The following ADK variants were observed in gnomAD, a reference collection of about 807,000 sequenced individuals.
ADK encodes the protein N6,N6-dimethyladenosine kinase.
A neutral mutation model predicts 44.7 loss-of-function variants in ADK; 24 were observed. That is an observed-to-expected ratio of 0.54 (90% CI 0.39 to 0.76). ADK has a LOEUF of 0.76. ADK is among the 30% of genes least tolerant of loss of function. The pLI, the probability that ADK is intolerant of heterozygous loss-of-function variation, is 0.00. For synonymous variants in ADK, 128 were observed against 142.6 expected (o/e 0.90, Z 0.73); for missense variants, 321 against 425.1 (o/e 0.76, Z 2.15).
intron 7 of ADK, among the ~76,000 whole-genome samples, chr10:74,543,412 C>A (rs1849719745): frequency 6.6e-6 from 1 of 152,162 alleles, no homozygotes; most frequent in Admixed American, 6.5e-5. Flanking sequence ...CCCAGTCACT[C>A]TCTTATGTAT....
intron 6 of ADK, among the ~76,000 whole-genome samples, chr10:74,520,759 G>A (rs923462211): frequency 2.0e-5 from 3 of 152,030 alleles, no homozygotes; most frequent in Non-Finnish European, 4.4e-5. Flanking sequence ...CCACTAAAAC[G>A]GTTGTTTGGT....
chr10:74,594,532 C>A (rs977471397), intron 8 of ADK, among the ~76,000 whole-genome samples: 1 of 151,638 alleles, frequency 6.6e-6, no homozygotes, highest in Admixed American at 6.6e-5. Context: ...GATATTAATT[C>A]AACTGCATTA....
chr10:74,198,908 T>TAA (rs939294991), intron 1 of ADK, among the ~76,000 whole-genome samples: 1 of 152,138 alleles, frequency 6.6e-6, no homozygotes, highest in African/African-American at 2.4e-5. Context: ...CTTATATATA[T>TAA]AACATACAAG....
At chr10:74,291,371 C>T (rs939659874) in intron 3 of ADK, among the ~76,000 whole-genome samples, 14 of 152,118 alleles carry the variant, frequency 9.2e-5, no homozygotes, top group Non-Finnish European at 1.9e-4. Flanking sequence ...GAGCTGAGAC[C>T]GCACCATTGC....
intron 4 of ADK, among the ~76,000 whole-genome samples, chr10:74,322,780 T>G (rs777509646): frequency 2.0e-5 from 3 of 151,306 alleles, no homozygotes; most frequent in Non-Finnish European, 4.4e-5. Flanking sequence ...CTTCCCTTCT[T>G]TCTCCTCCTC....
chr10:74,589,436 C>A, intron 8 of ADK, 119 bp downstream of exon 8: 1 of 1,073,594 alleles, frequency 9.3e-7, no homozygotes, highest in Non-Finnish European at 1.4e-6. Context: ...GCAGCAGTTG[C>A]CATGGAAACT....
chr10:74,339,412 A>G (rs574422795), intron 4 of ADK, among the ~76,000 whole-genome samples: 3 of 152,356 alleles, frequency 2.0e-5, no homozygotes, highest in African/African-American at 7.2e-5. Context: ...ACGTTTGGTA[A>G]TCATATATCT....
intron 4 of ADK, among the ~76,000 whole-genome samples, chr10:74,333,598 G>T (rs1455641241): frequency 6.6e-6 from 1 of 152,106 alleles, no homozygotes; most frequent in Non-Finnish European, 1.5e-5. Flanking sequence ...AGGGATGCCT[G>T]CCAAATGTTA....
In ADK at chr10:74,709,201, A is replaced by G. The variant is rs373509416; in HGVS notation, c.*756A>G. On this transcript the variant is annotated 3_prime_UTR_variant, in exon 11 of 11. Transcript: ENST00000539909. ...ATACTGGGCCCTGAAATGACACCCA[A>G]TTTGTTAATGGAATTATGAAGAACA... 1.3e-5 allele frequency: 2 copies of G among 152,220 alleles called. No homozygotes were observed. Among genetic ancestry groups the G allele is most frequent in the East Asian group, 1.9e-4 (1 of 5,204 alleles). 9.4% of individuals were successfully genotyped at this position (152,220 alleles called of 1,614,324 possible). A position where few individuals can be genotyped will look rare whatever the true frequency, so the allele number is the denominator to read the frequency against.
intron 7 of ADK, among the ~76,000 whole-genome samples, chr10:74,531,620 A>G (rs370092498): frequency 6.6e-6 from 1 of 152,024 alleles, no homozygotes; most frequent in East Asian, 1.9e-4. Flanking sequence ...TGCAAGCTCA[A>G]ACTCCTGGGT....
Position 74,362,132 on chromosome 10 carries a change from T to C in ADK, c.274-32009T>C, listed in dbSNP as rs889700930. ...TTTTCAGGTATGGAAAGTTTTCTGT[T>C]ATCATTTCCTTGTATAAGTTTTCTA... On this transcript the variant is annotated intron_variant, in intron 4 of 10. Transcript: ENST00000539909. Among the ~76,000 whole-genome samples the C allele has an allele frequency of 4.6e-5, 7 of 152,278 alleles. No individual in the cohort carries two copies. The East Asian group carries it at 1.3e-3, about 29-fold the overall frequency.
chr10:74,523,580 C>T (rs996539340), intron 6 of ADK, among the ~76,000 whole-genome samples: 1 of 152,160 alleles, frequency 6.6e-6, no homozygotes, highest in Non-Finnish European at 1.5e-5. Context: ...TCTTTGACCT[C>T]ACCTCTTTCA....
At chr10:74,250,734 C>T (rs901100885) in intron 3 of ADK, among the ~76,000 whole-genome samples, 2 of 151,974 alleles carry the variant, frequency 1.3e-5, no homozygotes, top group African/African-American at 4.8e-5. Flanking sequence ...GTAGTAGTGA[C>T]TTTAGAACAC....
chr10:74,439,070 A>G (rs941507600), intron 6 of ADK, among the ~76,000 whole-genome samples: 1 of 152,218 alleles, frequency 6.6e-6, no homozygotes, highest in Non-Finnish European at 1.5e-5. Context: ...GTAAAAGAGT[A>G]AGCAATTCTG....
At chr10:74,373,088 A>C (rs182317072) in intron 4 of ADK, among the ~76,000 whole-genome samples, 2 of 152,034 alleles carry the variant, frequency 1.3e-5, no homozygotes, top group Non-Finnish European at 2.9e-5. Flanking sequence ...AGTCTTTTCA[A>C]TGAAGGGTAC....
intron 4 of ADK, among the ~76,000 whole-genome samples, chr10:74,371,076 T>G (rs1842642451): frequency 6.6e-6 from 1 of 152,190 alleles, no homozygotes; most frequent in South Asian, 2.1e-4. Context: ...TTCAATGAAA[T>G]CATTTATAAG....
At chr10:74,553,199 T>TTG (rs1411017254) in intron 7 of ADK, among the ~76,000 whole-genome samples, 2 of 120,192 alleles carry the variant, frequency 1.7e-5, no homozygotes, top group African/African-American at 6.7e-5. Context: ...TGTTTTTTTT[T>TTG]TTTTTTTTTT....
At chr10:74,573,889 A>G (rs1564799749) in intron 7 of ADK, among the ~76,000 whole-genome samples, 1 of 152,142 alleles carries the variant, frequency 6.6e-6, no homozygotes, top group Non-Finnish European at 1.5e-5. Context: ...GAATGACCCG[A>G]TCTTCCAGGT....
chr10:74,351,918 A>T (rs1234665796), intron 4 of ADK, among the ~76,000 whole-genome samples: 1 of 152,196 alleles, frequency 6.6e-6, no homozygotes. Context: ...ATAAGAGAGG[A>T]TGCAAACAAA....
Sources: allele counts gnomAD v4.1 joint callset (sites outside exome capture counted in the v4.1 genomes callset), GRCh38; gene constraint gnomAD v4.1.1; transcripts MANE v1.5; gene names NCBI Gene and HGNC (gene_info 2026-07-23, HGNC 2026-07-21).